RASL12: variants seen among roughly 807,000 people sequenced by gnomAD.
The protein encoded by RASL12 is ras-like protein family member 12.
A neutral mutation model predicts 22.9 loss-of-function variants in RASL12; 16 were observed. The ratio of observed to expected loss-of-function variants is 0.70; its 90% confidence interval spans 0.47 to 1.06. RASL12 has a LOEUF of 1.06. RASL12 is among the 50% of genes least tolerant of loss of function. The pLI is 0.00. For missense variants in RASL12, 306 were observed against 353.1 expected (o/e 0.87, Z 1.07); for synonymous variants, 159 against 152.2 (o/e 1.04, Z -0.33).
Position 65,067,961 on chromosome 15 carries a change from T to TCCGCGC in RASL12, c.-132_-127dup, listed in dbSNP as rs1195004636. The TCCGCGC allele has an allele frequency of 2.2e-4, 264 of 1,186,674 alleles. 1 individual carries two copies. The highest frequency in any genetic ancestry group is 1.2e-3 in the Admixed American group (26 of 22,116). 73.5% of individuals were successfully genotyped at this position (1,186,674 alleles called of 1,614,324 possible). On this transcript the variant is annotated 5_prime_UTR_variant, in exon 1 of 5. Coordinates refer to ENST00000220062, the MANE Select transcript of RASL12 (RefSeq NM_016563.4). Reference sequence around the variant, plus strand: ...GCGCGCGGCCCCGGACCCGTCGGCGTCCGCGCCCTCGGCCCCGCGTCCAGC... The same window carrying TCCGCGC: ...GCGCGCGGCCCCGGACCCGTCGGCGTCCGCGCCCGCGCCCTCGGCCCCGCGTCCAGC...
At chr15:65,063,539 C>A (rs565556914) in intron 2 of RASL12, among the ~76,000 whole-genome samples, 3 of 152,300 alleles carry the variant, frequency 2.0e-5, no homozygotes, top group African/African-American at 7.2e-5. Flanking sequence ...GCTCCTTGGG[C>A]CTGTTTCCTC....
chr15:65,072,866 C>A (rs960489102), upstream of RASL12, among the ~76,000 whole-genome samples: 4 of 152,096 alleles, frequency 2.6e-5, no homozygotes, highest in East Asian at 1.9e-4. Flanking sequence ...AGAGAGGCAT[C>A]GGAGCACAGT....
chr15:65,049,802 C>G, downstream of RASL12: 61 of 381,570 alleles, frequency 1.6e-4, no homozygotes, highest in Non-Finnish European at 1.8e-4. Flanking sequence ...TCGTTTTTGT[C>G]CCATAACTTT....
At chr15:65,053,064 T>C (rs1054962927), downstream of RASL12, 3 of 1,614,048 alleles carry the variant, frequency 1.9e-6, no homozygotes, top group African/African-American at 2.7e-5. Context: ...AGAGAAACTT[T>C]GCTCTCAGAA....
intron 2 of RASL12, among the ~76,000 whole-genome samples, chr15:65,060,212 A>G (rs1438072560): frequency 6.6e-6 from 1 of 152,222 alleles, no homozygotes. Flanking sequence ...CCCCCCAGGC[A>G]TGGGGCCTGG....
At position 65,057,301 on chromosome 15, in the gene RASL12, G is replaced by C. The variant is rs965836965; in HGVS notation, c.425+1126C>G. Among the ~76,000 whole-genome samples the C allele has an allele frequency of 3.3e-5, 5 of 152,314 alleles. No homozygotes were observed. In the East Asian group the frequency reaches 9.6e-4, roughly 29 times the overall value. On this transcript the variant is annotated intron_variant, in intron 4 of 4. Transcript: ENST00000220062. ...GGGAGGGATGAGTGGCTGGTGGAAG[G>C]GGCTATCCCTTGCAGGTAGACTGGC...
intron 4 of RASL12, among the ~76,000 whole-genome samples, chr15:65,057,233 T>C (rs188449666): frequency 8.9e-4 from 135 of 152,336 alleles, no homozygotes; most frequent in Admixed American, 3.2e-3. Context: ...CCAGTCAATG[T>C]GCCCTTGGGG....
At chr15:65,048,127 G>A in the RASL12 span, among the ~76,000 whole-genome samples, 1 of 151,700 alleles carries the variant, frequency 6.6e-6, no homozygotes, top group Admixed American at 6.6e-5. Context: ...GTTGCAGTGA[G>A]CTGAGATCAC....
At chr15:65,058,018 T>C (rs1013352953) in intron 4 of RASL12, among the ~76,000 whole-genome samples, 57 of 152,188 alleles carry the variant, frequency 3.7e-4, no homozygotes, top group African/African-American at 1.4e-3. Flanking sequence ...ACGCCTGTAA[T>C]CCCACACTTT....
chr15:65,069,094 C>T (rs1015677264), upstream of RASL12, among the ~76,000 whole-genome samples: 1 of 152,226 alleles, frequency 6.6e-6, no homozygotes, highest in African/African-American at 2.4e-5. Flanking sequence ...CTCATCTACC[C>T]ACCCACCCAC....
intron 2 of RASL12, among the ~76,000 whole-genome samples, chr15:65,061,539 A>T (rs1004093987): frequency 3.9e-5 from 6 of 152,156 alleles, no homozygotes; most frequent in Admixed American, 3.9e-4. Flanking sequence ...ACTTCCTATC[A>T]TCAAGTCCCT....
chr15:65,066,053 G>GAGT lies in RASL12; in HGVS notation c.104-781_104-780insACT, dbSNP rs143063374. On this transcript the variant is annotated intron_variant, in intron 1 of 4. Coordinates refer to ENST00000220062, the MANE Select transcript of RASL12 (RefSeq NM_016563.4). Reference sequence around the variant, plus strand: ...GAGAAGAGAAGAGTAGAGAAGAGAAGAGAAGAGAAGAGTAGAGAAGAGAGA... The same window carrying GAGT: ...GAGAAGAGAAGAGTAGAGAAGAGAAGAGTAGAAGAGAAGAGTAGAGAAGAGAGA... Among the ~76,000 whole-genome samples the GAGT allele has an allele frequency of 9.6e-3, 1,449 of 150,328 alleles. 26 individuals carry two copies. The highest frequency in any genetic ancestry group is 0.034 in the African/African-American group (1,381 of 40,710).
intron 3 of RASL12, 60 bp downstream of exon 3, chr15:65,059,285 G>A: frequency 1.4e-6 from 2 of 1,460,642 alleles, no homozygotes; most frequent in South Asian, 1.1e-5. Flanking sequence ...CTCTGGGCCA[G>A]GACTTCTCAG....
upstream of RASL12, among the ~76,000 whole-genome samples, chr15:65,069,284 T>C (rs1260581137): frequency 6.6e-6 from 1 of 152,236 alleles, no homozygotes; most frequent in Non-Finnish European, 1.5e-5. Context: ...GTGGGTGGAA[T>C]TTGTTTAGAT....
intron 1 of RASL12, among the ~76,000 whole-genome samples, chr15:65,074,318 A>G (rs148349034): frequency 9.2e-5 from 14 of 152,334 alleles, no homozygotes; most frequent in Non-Finnish European, 1.9e-4. Flanking sequence ...AAAGTCTTTC[A>G]GCCTCAACCG....
chr15:65,065,392 TC>T, intron 1 of RASL12, 119 bp from the exon 2 acceptor site: 1 of 907,296 alleles, frequency 1.1e-6, no homozygotes, highest in Non-Finnish European at 1.7e-6. Context: ...AGCTCAGCTC[TC>T]CCAGAGAATG....
At chr15:65,072,715 CAGG>C (rs900635850), upstream of RASL12, among the ~76,000 whole-genome samples, 2 of 152,128 alleles carry the variant, frequency 1.3e-5, no homozygotes, top group African/African-American at 4.8e-5. Context: ...GAGTGGGCAG[CAGG>C]AGGCCTGAGG....
At chr15:65,055,311 C>G (rs756373689) in intron 4 of RASL12, 37 bp from the exon 5 acceptor site, 2 of 1,487,914 alleles carry the variant, frequency 1.3e-6, no homozygotes, top group Admixed American at 4.3e-5. Flanking sequence ...GAGTTAGGAG[C>G]AGGCTGTGCC....
chr15:65,057,583 C>A lies in RASL12; in HGVS notation c.425+844G>T, dbSNP rs559688558. 1.7e-4 allele frequency among the ~76,000 whole-genome samples: 26 copies of A among 152,274 alleles called. No homozygotes were observed. In the East Asian group the frequency reaches 4.6e-3, roughly 27 times the overall value. On this transcript the variant is annotated intron_variant, in intron 4 of 4. Coordinates refer to ENST00000220062, the MANE Select transcript of RASL12 (RefSeq NM_016563.4). Reference sequence around the variant, plus strand: ...CTGCAGTATTCTTCAGTAATGCATCCTCTGGCCCAGTCTCTGACCTCCGAT... The same window carrying A: ...CTGCAGTATTCTTCAGTAATGCATCATCTGGCCCAGTCTCTGACCTCCGAT...
Sources: allele counts gnomAD v4.1 joint callset (sites outside exome capture counted in the v4.1 genomes callset), GRCh38; gene constraint gnomAD v4.1.1; transcripts MANE v1.5; gene names NCBI Gene and HGNC (gene_info 2026-07-23, HGNC 2026-07-21).